Variants in DIAPH2 observed in about 807,000 individuals in gnomAD.
DIAPH2 encodes diaphanous related formin 2.
A neutral mutation model predicts 92.7 loss-of-function variants in DIAPH2; 35 were observed. That is an observed-to-expected ratio of 0.38 (90% CI 0.29 to 0.50). The LOEUF is 0.50. DIAPH2 is among the 20% of genes least tolerant of loss of function. The pLI is 0.94. For synonymous variants in DIAPH2, 301 were observed against 280.4 expected, an observed-to-expected ratio of 1.07 and a Z score of -0.73; for missense variants, 701 against 819.5, an observed-to-expected ratio of 0.86 and a Z score of 1.77.
At chrX:96,875,585 C>A (rs2065172963) in intron 4 of DIAPH2, among the ~76,000 whole-genome samples, 1 of 110,896 alleles carries the variant, frequency 9.0e-6, no homozygotes, top group African/African-American at 3.3e-5. Context: ...CTTGTTTTGC[C>A]TATTATTTTC....
chrX:96,887,991 G>A (rs2065275515), intron 5 of DIAPH2, among the ~76,000 whole-genome samples: 1 of 110,365 alleles, frequency 9.1e-6, no homozygotes. Flanking sequence ...GTATGTGTGT[G>A]TGTGTATGTG....
At chrX:96,937,975 A>G (rs2065669086) in intron 11 of DIAPH2, among the ~76,000 whole-genome samples, 1 of 110,626 alleles carries the variant, frequency 9.0e-6, no homozygotes, top group South Asian at 3.7e-4. Flanking sequence ...CGCACCTGTT[A>G]TGTTTCTTAC....
chrX:97,530,572 T>C (rs2071053085), intron 26 of DIAPH2, among the ~76,000 whole-genome samples: 1 of 111,646 alleles, frequency 9.0e-6, no homozygotes, highest in Admixed American at 9.5e-5. Flanking sequence ...AAATATCATC[T>C]AGTGGCTCCA....
chrX:97,411,696 G>A (rs1455069795), intron 25 of DIAPH2, among the ~76,000 whole-genome samples: 1 of 111,548 alleles, frequency 9.0e-6, no homozygotes, highest in Non-Finnish European at 1.9e-5. Context: ...CAAAATAAAG[G>A]GACAGAGGAA....
intron 26 of DIAPH2, among the ~76,000 whole-genome samples, chrX:97,568,970 G>T (rs1171531803): frequency 8.9e-6 from 1 of 111,917 alleles, no homozygotes; most frequent in African/African-American, 3.2e-5. Flanking sequence ...CTCTGTTGAT[G>T]ACGTTTTGCT....
intron 5 of DIAPH2, among the ~76,000 whole-genome samples, chrX:96,905,425 AG>A (rs1306131888): frequency 9.0e-6 from 1 of 111,376 alleles, no homozygotes. Flanking sequence ...AGAATCTATG[AG>A]GGAGCACAGT....
At chrX:97,176,637 C>T (rs941832783) in intron 22 of DIAPH2, among the ~76,000 whole-genome samples, 2 of 111,228 alleles carry the variant, frequency 1.8e-5, no homozygotes, top group African/African-American at 3.3e-5. Flanking sequence ...ACGCCATTGT[C>T]CTGCCTCAGC....
At chrX:97,175,771 C>G (rs761169275) in intron 22 of DIAPH2, among the ~76,000 whole-genome samples, 2 of 112,158 alleles carry the variant, frequency 1.8e-5, no homozygotes, top group African/African-American at 6.5e-5. Flanking sequence ...GCTACTTGCT[C>G]TGGTAAATTC....
intron 9 of DIAPH2, among the ~76,000 whole-genome samples, chrX:96,920,115 A>C (rs1438436324): frequency 9.0e-6 from 1 of 110,789 alleles, no homozygotes; most frequent in Non-Finnish European, 1.9e-5. Context: ...TTCTGACCTC[A>C]GGTCATCCGC....
chrX:97,166,836 T>A (rs2067415734), intron 22 of DIAPH2, among the ~76,000 whole-genome samples: 2 of 112,179 alleles, frequency 1.8e-5, no homozygotes, highest in African/African-American at 6.5e-5. Flanking sequence ...TATCCTGAAC[T>A]CTGTGTCTGT....
At chrX:96,972,932 A>T (rs5921025) in intron 17 of DIAPH2, among the ~76,000 whole-genome samples, 2 of 111,814 alleles carry the variant, frequency 1.8e-5, no homozygotes, top group African/African-American at 6.5e-5. Flanking sequence ...GTGAGCATCA[A>T]CCTTTCATAG....
chrX:96,862,261 G>C (rs1398898713), intron 4 of DIAPH2, among the ~76,000 whole-genome samples: 1 of 111,655 alleles, frequency 9.0e-6, no homozygotes, highest in Non-Finnish European at 1.9e-5. Flanking sequence ...AACTACTTAA[G>C]ATTTATATTT....
intron 5 of DIAPH2, among the ~76,000 whole-genome samples, chrX:96,902,227 C>G (rs1328465550): frequency 8.9e-6 from 1 of 111,883 alleles, no homozygotes; most frequent in Non-Finnish European, 1.9e-5. Flanking sequence ...GGAGAATATT[C>G]CATGTGCTGA....
chrX:97,439,904 G>A (rs925504139), intron 26 of DIAPH2, among the ~76,000 whole-genome samples: 5 of 111,405 alleles, frequency 4.5e-5, no homozygotes, highest in Admixed American at 1.9e-4. Flanking sequence ...TCGAATAGGG[G>A]CAAATCAGAT....
intron 23 of DIAPH2, among the ~76,000 whole-genome samples, chrX:97,285,156 T>C (rs2068529783): frequency 9.0e-6 from 1 of 111,276 alleles, no homozygotes; most frequent in African/African-American, 3.3e-5. Flanking sequence ...AACCCAGTTA[T>C]TTGAATGAAT....
chrX:97,542,662 T>G (rs1004488825), intron 26 of DIAPH2, among the ~76,000 whole-genome samples: 6 of 111,528 alleles, frequency 5.4e-5, no homozygotes, highest in Non-Finnish European at 9.4e-5. Context: ...TTTTTGCCCT[T>G]TCACACATTC....
intron 15 of DIAPH2, among the ~76,000 whole-genome samples, chrX:96,956,509 C>A (rs758353519): frequency 4.3e-4 from 48 of 112,210 alleles, no homozygotes; most frequent in African/African-American, 1.5e-3. Context: ...TTTTTCTTTA[C>A]TACTGCATTG....
chrX:96,951,080 C>T (rs1394423367), intron 15 of DIAPH2, among the ~76,000 whole-genome samples: 1 of 111,845 alleles, frequency 8.9e-6, no homozygotes, highest in East Asian at 2.8e-4. Flanking sequence ...AGATATTTTA[C>T]ACTGAAGAAA....
rs762851400 is a variant in DIAPH2 at position 97,272,029 on chromosome X, G to A, written c.2844+24190G>A. Among the ~76,000 whole-genome samples, 8 of 109,245 alleles carry A rather than the reference G, an allele frequency of 7.3e-5. No individual in the cohort carries two copies. The East Asian group carries it at 1.1e-3, about 16-fold the overall frequency. 94.9% of individuals were successfully genotyped at this position (109,245 alleles called of 115,157 possible). On this transcript the variant is annotated intron_variant, in intron 23 of 26. Coordinates refer to ENST00000324765, the MANE Select transcript of DIAPH2 (RefSeq NM_006729.5). ...TTTTTTTTCTTTAAGATGGAGTTTC[G>A]CTCTTGTTGCCCAGGCTGGAGTGCA... is the stretch of plus-strand genomic sequence containing the variant.
Sources: gnomAD v4.1 joint callset for allele counts (sites outside exome capture counted in the v4.1 genomes callset) on GRCh38, gnomAD v4.1.1 for gene constraint, MANE v1.5 for transcripts, NCBI Gene and HGNC (gene_info 2026-07-23, HGNC 2026-07-21) for gene names.